The following COL4A3 variants were observed in gnomAD, a reference collection of about 807,000 sequenced individuals.
COL4A3 encodes the protein collagen alpha-3(IV) chain.
Under a neutral mutation model 217.4 loss-of-function variants are expected in COL4A3, and 135 were observed. The observed-to-expected ratio is 0.62, with a 90% CI of 0.54 to 0.72. COL4A3 has a LOEUF of 0.72. COL4A3 is among the 30% of genes least tolerant of loss of function. The pLI, the probability that COL4A3 is intolerant of heterozygous loss-of-function variation, is 0.00. For missense variants in COL4A3, 1,868 were observed against 2,119.9 expected, an observed-to-expected ratio of 0.88 and a Z score of 2.33; for synonymous variants, 690 against 736.3, an observed-to-expected ratio of 0.94 and a Z score of 1.02.
chr2:227,197,215 TTTTG>T lies in COL4A3; in HGVS notation c.87+32414_87+32417del, dbSNP rs578116716. ...GGTACGGTTTTTTTGTTTTGTTTTG[TTTTG>T]TTTGTTTGTTTTTTTGAGATGGAGT... On this transcript the variant is annotated intron_variant, in intron 1 of 51. Transcript: ENST00000396578. Among the ~76,000 whole-genome samples the T allele has an allele frequency of 2.4e-4, 37 of 152,168 alleles. No individual in the cohort carries two copies. The South Asian group carries it at 6.8e-3, about 28-fold the overall frequency.
intron 1 of COL4A3, among the ~76,000 whole-genome samples, chr2:227,177,424 G>A (rs2065719242): frequency 6.6e-6 from 1 of 151,756 alleles, no homozygotes; most frequent in Non-Finnish European, 1.5e-5. Context: ...CAAAGTGCTG[G>A]GATTACAGGC....
At position 227,164,842 on chromosome 2, in the gene COL4A3, C is replaced by T. The variant is rs893587366; in HGVS notation, c.87+29C>T. On this transcript the variant is annotated intron_variant, in intron 1 of 51. Transcript: ENST00000396578. The surrounding 1 kb of genome is among the most constrained non-coding windows in gnomAD (Gnocchi z 4.8). ...AGTGGGGGCTGCGCGACCCCCACCC[C>T]CGCACTTCCATCCCTCCTCCACGCG... The T allele has an allele frequency of 4.7e-6, 7 of 1,490,930 alleles. No homozygotes were observed. In the African/African-American group the frequency reaches 7.3e-5, roughly 16 times the overall value. 92.4% of individuals were successfully genotyped at this position (1,490,930 alleles called of 1,614,324 possible).
intron 1 of COL4A3, among the ~76,000 whole-genome samples, chr2:227,229,171 C>A (rs896819406): frequency 6.6e-6 from 1 of 152,090 alleles, no homozygotes; most frequent in Non-Finnish European, 1.5e-5. Flanking sequence ...ACGGGCACTG[C>A]GAGAATTGAG....
At chr2:227,198,320 G>A (rs117935855) in intron 1 of COL4A3, among the ~76,000 whole-genome samples, 7,442 of 152,224 alleles carry the variant, frequency 0.049, 318 homozygotes, top group Middle Eastern at 0.065. Flanking sequence ...GGCCATCAGA[G>A]TCTGATTAGA....
intron 1 of COL4A3, among the ~76,000 whole-genome samples, chr2:227,210,872 G>T (rs1279411421): frequency 6.8e-5 from 2 of 29,202 alleles, no homozygotes; most frequent in East Asian, 1.2e-3. Flanking sequence ...AGTTTCACCT[G>T]TTTGGGGGGA....
At chr2:227,190,850 T>C (rs921503602) in intron 1 of COL4A3, among the ~76,000 whole-genome samples, 1 of 152,164 alleles carries the variant, frequency 6.6e-6, no homozygotes, top group Non-Finnish European at 1.5e-5. Context: ...AAGGTTTCAG[T>C]GAGCCAAGAC....
chr2:227,238,236 C>A (rs548966690), intron 2 of COL4A3: 73 of 410,324 alleles, frequency 1.8e-4, no homozygotes, highest in African/African-American at 1.4e-3. Flanking sequence ...TATACAATGG[C>A]AATTAAATTA....
At chr2:227,195,661 A>ATGTGTGTGTG (rs1186427522) in intron 1 of COL4A3, among the ~76,000 whole-genome samples, 7 of 82,178 alleles carry the variant, frequency 8.5e-5, no homozygotes, top group African/African-American at 4.2e-4. Context: ...CCACATATAT[A>ATGTGTGTGTG]TATATATGTG....
chr2:227,218,826 TTTTATA>T (rs1363914224), intron 1 of COL4A3, among the ~76,000 whole-genome samples: 2 of 152,224 alleles, frequency 1.3e-5, no homozygotes, highest in Admixed American at 1.3e-4. Flanking sequence ...TTCTAAATTA[TTTTATA>T]TTTGTTTATT....
At chr2:227,238,266 A>C (rs531655125) in intron 2 of COL4A3, 39 of 359,382 alleles carry the variant, frequency 1.1e-4, no homozygotes, top group African/African-American at 7.5e-4. Flanking sequence ...CGGTCTGTAA[A>C]GAATAAGTAG....
At position 227,245,943 on chromosome 2, in the gene COL4A3, TC is replaced by T. The variant is rs1417700757; in HGVS notation, c.325-10del. On this transcript the variant is annotated splice_polypyrimidine_tract_variant and intron_variant, in intron 5 of 51. Transcript: ENST00000396578. ...GATGACCCTCCTCATTGAGACTTGTTCTTCTTCCAGGGCACCCCAGGCAATA... is the reference window on the plus strand; with the variant it reads ...GATGACCCTCCTCATTGAGACTTGTTTTCTTCCAGGGCACCCCAGGCAATA... 16 of 1,613,128 alleles carry T rather than the reference TC, an allele frequency of 9.9e-6. No homozygotes were observed. Among genetic ancestry groups the T allele is most frequent in the Non-Finnish European group, 1.4e-5 (16 of 1,179,186 alleles).
intron 19 of COL4A3, among the ~76,000 whole-genome samples, chr2:227,260,750 C>T (rs2070505168): frequency 6.6e-6 from 1 of 152,188 alleles, no homozygotes; most frequent in Non-Finnish European, 1.5e-5. Context: ...CCAAGACAAA[C>T]TGCTATCCTG....
chr2:227,305,225 T>G, intron 47 of COL4A3, 142 bp downstream of exon 47: 1 of 746,648 alleles, frequency 1.3e-6, no homozygotes, highest in Non-Finnish European at 2.3e-6. Flanking sequence ...GGATCAAATG[T>G]TCATTTGGAA....
At chr2:227,301,613 A>C (rs1380498755) in intron 43 of COL4A3, among the ~76,000 whole-genome samples, 1 of 152,220 alleles carries the variant, frequency 6.6e-6, no homozygotes, top group African/African-American at 2.4e-5. Context: ...GGATATATAA[A>C]GCTTGGTTTG....
intron 34 of COL4A3, among the ~76,000 whole-genome samples, chr2:227,287,936 A>G (rs1026413960): frequency 6.6e-6 from 1 of 152,256 alleles, no homozygotes. Context: ...TAGATGCTCC[A>G]TCCATATGTG....
At chr2:227,246,848 T>C (rs1282753256) in intron 7 of COL4A3, 110 bp downstream of exon 7, 3 of 896,436 alleles carry the variant, frequency 3.3e-6, no homozygotes, top group Non-Finnish European at 5.7e-6. Flanking sequence ...AAGTCTGGGG[T>C]AGCCATAGTA....
chr2:227,171,355 T>C (rs1241934190), intron 1 of COL4A3, among the ~76,000 whole-genome samples: 2 of 152,236 alleles, frequency 1.3e-5, no homozygotes, highest in African/African-American at 4.8e-5. Flanking sequence ...AAATTCCTAG[T>C]GCCATGCTCA....
In COL4A3 at chr2:227,191,469, C is replaced by A. The variant is rs148695754; in HGVS notation, c.87+26656C>A. ...AAAATCACTCTTTACCAGCCACATA[C>A]AAATGTTGAATGGCTCCATCCACGG... On this transcript the variant is annotated intron_variant, in intron 1 of 51. Transcript: ENST00000396578. This position sits in a 1 kb window ranked among gnomAD's most constrained non-coding sequence, Gnocchi z 6.8. Among the ~76,000 whole-genome samples the A allele has an allele frequency of 1.3e-5, 2 of 152,290 alleles. No individual in the cohort carries two copies. Among genetic ancestry groups the A allele is most frequent in the African/African-American group, 4.8e-5 (2 of 41,556 alleles).
chr2:227,188,916 A>G (rs2066131006), intron 1 of COL4A3, among the ~76,000 whole-genome samples: 1 of 152,244 alleles, frequency 6.6e-6, no homozygotes, highest in Non-Finnish European at 1.5e-5. Flanking sequence ...GTCACATGAT[A>G]GGACAGGGAT....
Sources: gnomAD v4.1 joint callset for allele counts (sites outside exome capture counted in the v4.1 genomes callset) on GRCh38, gnomAD v4.1.1 for gene constraint, Gnocchi (gnomAD v3.1) non-coding constraint, MANE v1.5 for transcripts, NCBI Gene and HGNC (gene_info 2026-07-23, HGNC 2026-07-21) for gene names.